The following SHISA6 variants were observed in gnomAD, a reference collection of about 807,000 sequenced individuals.
SHISA6 encodes the protein protein shisa-6.
Under a neutral mutation model 47.9 loss-of-function variants are expected in SHISA6, and 22 were observed. The ratio of observed to expected loss-of-function variants is 0.46; its 90% CI spans 0.33 to 0.66. The LOEUF (loss-of-function observed/expected upper bound fraction) is 0.66. SHISA6 is among the 30% of genes least tolerant of loss of function. The pLI, the probability that SHISA6 is intolerant of heterozygous loss-of-function variation, is 0.02. For synonymous variants in SHISA6, 388 were observed against 337.8 expected (o/e 1.15, Z -1.63); for missense variants, 680 against 764.6 (o/e 0.89, Z 1.30).
At chr17:11,282,290 A>T (rs1255004185) in intron 2 of SHISA6, among the ~76,000 whole-genome samples, 2 of 152,182 alleles carry the variant, frequency 1.3e-5, no homozygotes, top group African/African-American at 4.8e-5. Context: ...GATTTTTAAC[A>T]TCAGAGTAGA....
intron 3 of SHISA6, among the ~76,000 whole-genome samples, chr17:11,440,314 T>G (rs973812252): frequency 6.6e-6 from 1 of 152,088 alleles, no homozygotes; most frequent in Admixed American, 6.6e-5. Context: ...TCCAGTGACT[T>G]TTAGAGTTTC....
At chr17:11,515,260 A>T (rs952642493) in intron 3 of SHISA6, among the ~76,000 whole-genome samples, 1 of 148,626 alleles carries the variant, frequency 6.7e-6, no homozygotes. Context: ...AAAAAAAAAG[A>T]AAAAAGAAAA....
intron 3 of SHISA6, among the ~76,000 whole-genome samples, chr17:11,545,500 A>T (rs1164644849): frequency 2.0e-5 from 3 of 152,226 alleles, no homozygotes; most frequent in South Asian, 2.1e-4. Flanking sequence ...TCTGATTTTG[A>T]TATAGTACTA....
At chr17:11,256,356 C>T (rs1173151645) in intron 1 of SHISA6, among the ~76,000 whole-genome samples, 3 of 152,070 alleles carry the variant, frequency 2.0e-5, no homozygotes, top group African/African-American at 7.2e-5. Flanking sequence ...AGTAGCTGGG[C>T]GTGGTGACAG....
chr17:11,244,307 C>G (rs973161756), intron 1 of SHISA6, among the ~76,000 whole-genome samples: 1 of 152,130 alleles, frequency 6.6e-6, no homozygotes, highest in African/African-American at 2.4e-5. Context: ...ATATCCGTGC[C>G]TGTTGGGTAG....
chr17:11,476,158 A>C (rs1916046145), intron 3 of SHISA6, among the ~76,000 whole-genome samples: 1 of 151,862 alleles, frequency 6.6e-6, no homozygotes, highest in Admixed American at 6.6e-5. Flanking sequence ...AGTATTAGTG[A>C]TTTGTGCTGT....
At chr17:11,341,328 C>CTCT (rs1555529428) in intron 2 of SHISA6, among the ~76,000 whole-genome samples, 36 of 88,822 alleles carry the variant, frequency 4.1e-4, no homozygotes, top group African/African-American at 1.2e-3. Flanking sequence ...CTCTCTCTCT[C>CTCT]TTTTTTTTTT....
chr17:11,351,106 A>G (rs1911875159), intron 2 of SHISA6, among the ~76,000 whole-genome samples: 1 of 152,038 alleles, frequency 6.6e-6, no homozygotes, highest in African/African-American at 2.4e-5. Flanking sequence ...ATGCATGGAC[A>G]CAGGGAGGGG....
intron 3 of SHISA6, among the ~76,000 whole-genome samples, chr17:11,400,517 T>G (rs960894497): frequency 6.6e-6 from 1 of 152,202 alleles, no homozygotes; most frequent in African/African-American, 2.4e-5. Context: ...AGTATGAGCT[T>G]CTGTCAACTC....
chr17:11,246,930 T>G (rs1558217), intron 1 of SHISA6, among the ~76,000 whole-genome samples: 139,394 of 152,134 alleles, frequency 0.92, 65,060 homozygotes, highest in East Asian at 1. Context: ...CATTGCTCAC[T>G]GTCTTCATGT....
chr17:11,275,960 A>T (rs1452342706), intron 2 of SHISA6, among the ~76,000 whole-genome samples: 2 of 151,448 alleles, frequency 1.3e-5, no homozygotes, highest in Non-Finnish European at 2.9e-5. Flanking sequence ...CCATCTTGAG[A>T]CTAGATTCTG....
chr17:11,523,704 G>C (rs138412888), intron 3 of SHISA6, among the ~76,000 whole-genome samples: 480 of 152,196 alleles, frequency 3.2e-3, no homozygotes, highest in Middle Eastern at 0.014. Context: ...CTATAATCTT[G>C]AACTCTTTAA....
intron 2 of SHISA6, among the ~76,000 whole-genome samples, chr17:11,310,220 C>CTT (rs1242613757): frequency 7.9e-5 from 12 of 152,298 alleles, no homozygotes; most frequent in African/African-American, 2.6e-4. Flanking sequence ...CATAATGACT[C>CTT]TGTGTGCCAG....
At chr17:11,432,872 T>C (rs1271358571) in intron 3 of SHISA6, among the ~76,000 whole-genome samples, 1 of 151,346 alleles carries the variant, frequency 6.6e-6, no homozygotes, top group Non-Finnish European at 1.5e-5. Flanking sequence ...AAACAGAAAG[T>C]AGATTATTGG....
intron 2 of SHISA6, among the ~76,000 whole-genome samples, chr17:11,353,643 C>T (rs183297117): frequency 9.9e-5 from 15 of 152,180 alleles, no homozygotes; most frequent in East Asian, 7.8e-4. Flanking sequence ...CAGGTCTGCC[C>T]GTAGCCACAA....
intron 2 of SHISA6, among the ~76,000 whole-genome samples, chr17:11,278,471 G>A (rs902845275): frequency 1.1e-4 from 17 of 152,164 alleles, no homozygotes; most frequent in Non-Finnish European, 1.8e-4. Flanking sequence ...TGAAGATAAG[G>A]CAATCACTTT....
chr17:11,328,735 G>T (rs907864425), intron 2 of SHISA6, among the ~76,000 whole-genome samples: 3 of 152,148 alleles, frequency 2.0e-5, no homozygotes, highest in African/African-American at 4.8e-5. Flanking sequence ...AAAAAAATAA[G>T]TATGAAGTAG....
chr17:11,425,047 T>C (rs1914574702), intron 3 of SHISA6, among the ~76,000 whole-genome samples: 1 of 151,114 alleles, frequency 6.6e-6, no homozygotes, highest in African/African-American at 2.4e-5. Context: ...TAACAAAATA[T>C]TAACATTTGT....
At chr17:11,253,199 C>T (rs1488793784) in intron 1 of SHISA6, among the ~76,000 whole-genome samples, 6 of 152,198 alleles carry the variant, frequency 3.9e-5, no homozygotes, top group African/African-American at 1.2e-4. Flanking sequence ...TGTGTTCCTT[C>T]TCCCCTCTCT....
Sources: allele counts gnomAD v4.1 joint callset (sites outside exome capture counted in the v4.1 genomes callset), GRCh38; gene constraint gnomAD v4.1.1; transcripts MANE v1.5; gene names NCBI Gene and HGNC (gene_info 2026-07-23, HGNC 2026-07-21).